The following MECR variants were observed in gnomAD, a reference collection of about 807,000 sequenced individuals.
The protein encoded by MECR is enoyl-[acyl-carrier-protein] reductase, mitochondrial.
A neutral mutation model predicts 49.1 loss-of-function variants in MECR; 37 were observed. That is an observed-to-expected ratio of 0.75 (90% CI 0.58 to 0.99). MECR has a LOEUF of 0.99. Among genes scored for constraint, MECR ranks in the 50% least tolerant of loss-of-function variants. The pLI is 0.00. For missense variants in MECR, 470 were observed against 479.6 expected, an observed-to-expected ratio of 0.98 and a Z score of 0.19; for synonymous variants, 198 against 191.1, an observed-to-expected ratio of 1.04 and a Z score of -0.30.
intron 1 of MECR, chr1:29,223,080 T>G (rs1426820034): frequency 1.0e-6 from 1 of 985,116 alleles, no homozygotes; most frequent in Non-Finnish European, 1.2e-6. Flanking sequence ...GGCTATGTTT[T>G]GGAGTACAAA....
At chr1:29,221,008 A>T (rs1161096726) in intron 1 of MECR, 1 of 700,980 alleles carries the variant, frequency 1.4e-6, no homozygotes, top group African/African-American at 1.9e-5. Flanking sequence ...ATTTATGGAC[A>T]GTCGAAGTAT....
chr1:29,218,864 T>A (rs1390854354), intron 1 of MECR, among the ~76,000 whole-genome samples: 1 of 152,234 alleles, frequency 6.6e-6, no homozygotes, highest in African/African-American at 2.4e-5. Flanking sequence ...GGCACACTGC[T>A]AAGTGCTTTA....
chr1:29,205,759 G>A (rs1676422740), intron 4 of MECR, among the ~76,000 whole-genome samples: 3 of 152,092 alleles, frequency 2.0e-5, no homozygotes, highest in Admixed American at 1.3e-4. Flanking sequence ...GAACCCGAGA[G>A]GTGGAGGTTG....
chr1:29,203,755 A>G (rs1360881129), intron 4 of MECR, among the ~76,000 whole-genome samples: 3 of 152,196 alleles, frequency 2.0e-5, no homozygotes, highest in African/African-American at 4.8e-5. Context: ...ACTTCATTGT[A>G]TATAGGTCCA....
the MECR span, among the ~76,000 whole-genome samples, chr1:29,179,190 CGTT>C: frequency 3.3e-5 from 5 of 152,182 alleles, no homozygotes; most frequent in African/African-American, 9.6e-5. Flanking sequence ...ATCTAATAGT[CGTT>C]GTTTCTGGTT....
intron 3 of MECR, among the ~76,000 whole-genome samples, chr1:29,215,777 A>G (rs1456340728): frequency 6.6e-6 from 1 of 152,198 alleles, no homozygotes; most frequent in African/African-American, 2.4e-5. Flanking sequence ...AGGCTGAGGC[A>G]GGAGAATCAC....
chr1:29,194,281 A>G, intron 9 of MECR, 102 bp from the exon 10 acceptor site: 1 of 1,322,546 alleles, frequency 7.6e-7, no homozygotes. Flanking sequence ...CCAAGCTCCA[A>G]TAAAGCCTTG....
intron 4 of MECR, among the ~76,000 whole-genome samples, chr1:29,206,344 C>G (rs1488442400): frequency 3.9e-5 from 6 of 152,192 alleles, no homozygotes; most frequent in Admixed American, 1.3e-4. Flanking sequence ...GGGATAATGC[C>G]TGTCAACGCA....
the MECR span, among the ~76,000 whole-genome samples, chr1:29,187,028 G>T: frequency 2.6e-5 from 4 of 152,108 alleles, no homozygotes; most frequent in Non-Finnish European, 5.9e-5. Context: ...GAATGTTCCT[G>T]CCTTCAGATG....
chr1:29,196,473 G>A (rs1674027239), intron 7 of MECR, among the ~76,000 whole-genome samples: 1 of 152,180 alleles, frequency 6.6e-6, no homozygotes, highest in Non-Finnish European at 1.5e-5. Flanking sequence ...GATCACTTGA[G>A]CCCAGGAGTT....
chr1:29,175,875 T>A, the MECR span, among the ~76,000 whole-genome samples: 10 of 152,146 alleles, frequency 6.6e-5, no homozygotes, highest in Non-Finnish European at 2.9e-5. Context: ...ACCAAATGTC[T>A]TCCTTTTCTT....
In MECR at chr1:29,193,919, G is replaced by T; in HGVS notation, c.*103C>A. On this transcript the variant is annotated 3_prime_UTR_variant, in exon 10 of 10. Coordinates refer to ENST00000263702, the MANE Select transcript of MECR (RefSeq NM_016011.5). The stretch of plus-strand genomic sequence containing the variant: ...CCTCCTAATAGGAAGAGGCAGTGAG[G>T]AGAACAGTAGTCTGGGGAAGGTGGG... The T allele has an allele frequency of 7.2e-7, 1 of 1,382,156 alleles. No homozygotes were observed. The allele number at this position is 1,382,156 out of a possible 1,614,324, so 85.6% of individuals were successfully genotyped here. A position where few individuals can be genotyped will look rare whatever the true frequency, so the allele number is the denominator to read the frequency against.
rs535938574 is a variant in MECR, at chr1:29,193,374, C to G, written c.*648G>C. 5.4e-6 allele frequency: 1 copy of G among 186,582 alleles called. No homozygotes were observed. The highest frequency in any genetic ancestry group is 4.2e-5 in the Admixed American group (1 of 23,672). The allele number at this position is 186,582 out of a possible 1,614,324, so 11.6% of individuals were successfully genotyped here. On this transcript the variant is annotated 3_prime_UTR_variant, in exon 10 of 10. Transcript: ENST00000263702. ...TGTGATAGCCAGAAATATCCCCAGACATTGTCAAATGTCTCCTGGGGGTAA... is the reference window on the plus strand; with the variant it reads ...TGTGATAGCCAGAAATATCCCCAGAGATTGTCAAATGTCTCCTGGGGGTAA...
intron 6 of MECR, among the ~76,000 whole-genome samples, chr1:29,200,928 G>A (rs1675167451): frequency 6.6e-6 from 1 of 152,006 alleles, no homozygotes; most frequent in South Asian, 2.1e-4. Context: ...AGCTGGGACT[G>A]CAGATGAGTA....
the MECR span, among the ~76,000 whole-genome samples, chr1:29,186,213 T>G: frequency 6.6e-6 from 1 of 152,220 alleles, no homozygotes; most frequent in Non-Finnish European, 1.5e-5. Context: ...TTCTGATTAT[T>G]CCTTCTAAAT....
At chr1:29,172,721 T>A in the MECR span, 2 of 152,350 alleles carry the variant, frequency 1.3e-5, no homozygotes, top group South Asian at 4.1e-4. Flanking sequence ...ACTGAGATAC[T>A]TGAATATGTT....
chr1:29,181,530 T>C, the MECR span: 4 of 899,778 alleles, frequency 4.4e-6, no homozygotes, highest in East Asian at 3.1e-5. Flanking sequence ...TGGCGGAGCC[T>C]GGCCAGGCCG....
At chr1:29,181,011 G>T in the MECR span, among the ~76,000 whole-genome samples, 3 of 152,220 alleles carry the variant, frequency 2.0e-5, no homozygotes, top group Non-Finnish European at 4.4e-5. Context: ...GAGTCTTAAA[G>T]ATAAGAAGTT....
chr1:29,176,267 C>CA, the MECR span, among the ~76,000 whole-genome samples: 1 of 151,690 alleles, frequency 6.6e-6, no homozygotes, highest in East Asian at 1.9e-4. Flanking sequence ...AAACAAAAAA[C>CA]AAAAAACAAA....
Sources: gnomAD v4.1 joint callset for allele counts (sites outside exome capture counted in the v4.1 genomes callset) on GRCh38, gnomAD v4.1.1 for gene constraint, MANE v1.5 for transcripts, NCBI Gene and HGNC (gene_info 2026-07-23, HGNC 2026-07-21) for gene names.